The following MARCHF1 variants were observed in gnomAD, a reference collection of about 807,000 sequenced individuals.
MARCHF1 encodes E3 ubiquitin-protein ligase MARCHF1.
A neutral mutation model predicts 54.2 loss-of-function variants in MARCHF1; 40 were observed. That is an observed-to-expected ratio of 0.74 (90% CI 0.57 to 0.96). The LOEUF (loss-of-function observed/expected upper bound fraction) is 0.96. MARCHF1 is among the 40% of genes least tolerant of loss of function. MARCHF1 has a pLI of 0.00. For synonymous variants in MARCHF1, 236 were observed against 236.3 expected (o/e 1.00, Z 0.01); for missense variants, 586 against 656.5 (o/e 0.89, Z 1.17).
At chr4:163,759,000 C>T (rs538211735) in intron 4 of MARCHF1, among the ~76,000 whole-genome samples, 13 of 151,820 alleles carry the variant, frequency 8.6e-5, no homozygotes, top group Non-Finnish European at 1.3e-4. Flanking sequence ...CTAGAGTTCC[C>T]GTTATATCTT....
intron 2 of MARCHF1, among the ~76,000 whole-genome samples, chr4:164,067,301 C>A (rs754121544): frequency 6.6e-6 from 1 of 152,132 alleles, no homozygotes; most frequent in African/African-American, 2.4e-5. Context: ...CTAGGCAAAT[C>A]TGGAAGCATC....
At position 164,213,033 on chromosome 4, in the gene MARCHF1, G is replaced by T. The variant is rs570990536; in HGVS notation, c.-322-101371C>A. ...GCAAAAATGTAACTAAAGCAAATGG[G>T]TAAATGACAAGCCTGCATATATATT... On this transcript the variant is annotated intron_variant, in intron 1 of 9. Transcript: ENST00000514618. 4.6e-5 allele frequency among the ~76,000 whole-genome samples: 7 copies of T among 151,972 alleles called. 1 individual carries two copies. The South Asian group carries it at 1.2e-3, about 27-fold the overall frequency.
In MARCHF1 at chr4:164,292,316, G is replaced by A. The variant is rs111862641; in HGVS notation, c.-323+91554C>T. Reference sequence around the variant, plus strand: ...TCTATGAAACACTTTGCAATTCAAAGTGATAAATGGTTATGCGTTTTTTTT... The same window carrying A: ...TCTATGAAACACTTTGCAATTCAAAATGATAAATGGTTATGCGTTTTTTTT... On this transcript the variant is annotated intron_variant, in intron 1 of 9. Coordinates refer to ENST00000514618, the MANE Select transcript of MARCHF1 (RefSeq NM_001394959.1). 3.8e-3 allele frequency among the ~76,000 whole-genome samples: 582 copies of A among 152,146 alleles called. 1 individual carries two copies. The highest frequency in any genetic ancestry group is 6.3e-3 in the Non-Finnish European group (431 of 67,988).
At chr4:163,656,336 C>A (rs577970034) in intron 5 of MARCHF1, among the ~76,000 whole-genome samples, 295 of 152,066 alleles carry the variant, frequency 1.9e-3, no homozygotes, top group Non-Finnish European at 2.9e-3. Context: ...GACACATATA[C>A]CCTTCCAAGA....
intron 1 of MARCHF1, among the ~76,000 whole-genome samples, chr4:164,309,862 G>T (rs1734800970): frequency 1.3e-5 from 2 of 152,014 alleles, no homozygotes; most frequent in African/African-American, 2.4e-5. Context: ...TTAATATTAT[G>T]TCAGAAATAG....
intron 3 of MARCHF1, among the ~76,000 whole-genome samples, chr4:163,957,933 T>C (rs1752263855): frequency 6.6e-6 from 1 of 152,050 alleles, no homozygotes; most frequent in African/African-American, 2.4e-5. Flanking sequence ...CCATGCTGCA[T>C]TCAGAAAGTC....
At chr4:163,612,146 C>G in intron 7 of MARCHF1, 125 bp downstream of exon 7, 1 of 842,730 alleles carries the variant, frequency 1.2e-6, no homozygotes, top group South Asian at 2.7e-5. Flanking sequence ...CCTTTTATAT[C>G]CAATCAGAAA....
chr4:164,110,915 T>C (rs1755821298), intron 2 of MARCHF1, among the ~76,000 whole-genome samples: 1 of 151,734 alleles, frequency 6.6e-6, no homozygotes, highest in Non-Finnish European at 1.5e-5. Context: ...AACTTTGAGA[T>C]ACTGAGAAGG....
rs138692310 is a variant in MARCHF1 at position 163,620,567 on chromosome 4, C to CCACA, written c.163-7178_163-7175dup. Among the ~76,000 whole-genome samples the CCACA allele has an allele frequency of 3.4e-3, 403 of 120,100 alleles. 1 individual carries two copies. The highest frequency in any genetic ancestry group is 5.4e-3 in the South Asian group (18 of 3,328). 78.8% of individuals were successfully genotyped at this position (120,100 alleles called of 152,430 possible). A position where few individuals can be genotyped will look rare whatever the true frequency, so the allele number is the denominator to read the frequency against. On this transcript the variant is annotated intron_variant, in intron 5 of 9. Transcript: ENST00000514618. ...TAAGCCATAAAAAGAATGAGGTACA[C>CCACA]CACACACACACACACACACACACAC...
intron 5 of MARCHF1, among the ~76,000 whole-genome samples, chr4:163,678,869 A>G (rs185306115): frequency 2.0e-5 from 3 of 152,356 alleles, no homozygotes; most frequent in Non-Finnish European, 4.4e-5. Flanking sequence ...AACCACAGTA[A>G]TTTCACTAGG....
In MARCHF1 at chr4:164,058,727, T is replaced by C. The variant is rs551675584; in HGVS notation, c.-248+52861A>G. 2.6e-5 allele frequency among the ~76,000 whole-genome samples: 4 copies of C among 152,118 alleles called. No homozygotes were observed. In the South Asian group the frequency reaches 6.2e-4, roughly 24 times the overall value. Reference sequence around the variant, plus strand: ...CAGCACATCTCTGTCACTGATGAAATTGACAACTTTCATGAGGGGAAAAGA... The same window carrying C: ...CAGCACATCTCTGTCACTGATGAAACTGACAACTTTCATGAGGGGAAAAGA... On this transcript the variant is annotated intron_variant, in intron 2 of 9. Coordinates refer to ENST00000514618, the MANE Select transcript of MARCHF1 (RefSeq NM_001394959.1).
At chr4:163,649,339 G>A (rs1218063675) in intron 5 of MARCHF1, among the ~76,000 whole-genome samples, 1 of 152,012 alleles carries the variant, frequency 6.6e-6, no homozygotes, top group Non-Finnish European at 1.5e-5. Context: ...CCACAGGAAT[G>A]CCTAATGGTA....
At chr4:164,340,365 C>G (rs1350632800) in intron 1 of MARCHF1, among the ~76,000 whole-genome samples, 5 of 140,156 alleles carry the variant, frequency 3.6e-5, no homozygotes, top group Admixed American at 7.5e-5. Context: ...CTCAGCCCCC[C>G]GAGTAGCTGA....
At chr4:164,379,711 C>T (rs528805962) in intron 1 of MARCHF1, among the ~76,000 whole-genome samples, 90 of 152,230 alleles carry the variant, frequency 5.9e-4, no homozygotes, top group African/African-American at 2.1e-3. Flanking sequence ...GTTGGCCGGG[C>T]ACAGTGGCTT....
At chr4:163,766,370 C>CT (rs1420455642) in intron 4 of MARCHF1, among the ~76,000 whole-genome samples, 2 of 151,842 alleles carry the variant, frequency 1.3e-5, no homozygotes, top group Non-Finnish European at 2.9e-5. Context: ...TCCCTCAATT[C>CT]TCCTCTCATA....
intron 3 of MARCHF1, among the ~76,000 whole-genome samples, chr4:163,890,756 G>T (rs975008875): frequency 5.3e-5 from 8 of 152,018 alleles, no homozygotes; most frequent in Non-Finnish European, 1.2e-4. Flanking sequence ...CAATCTGCCT[G>T]CCTTGGCCTC....
At chr4:163,738,024 T>G (rs28636066) in intron 4 of MARCHF1, among the ~76,000 whole-genome samples, 54,819 of 152,054 alleles carry the variant, frequency 0.36, 10,326 homozygotes, top group South Asian at 0.44. Flanking sequence ...TTAGGCTTCC[T>G]GGTGGTCTGG....
At chr4:164,059,330 T>TAG (rs1002522074) in intron 2 of MARCHF1, among the ~76,000 whole-genome samples, 3 of 152,222 alleles carry the variant, frequency 2.0e-5, no homozygotes, top group Admixed American at 6.5e-5. Context: ...CCAATGTGTA[T>TAG]AGATTCTTTC....
At chr4:163,583,209 A>G (rs755943581) in intron 8 of MARCHF1, among the ~76,000 whole-genome samples, 78 of 152,190 alleles carry the variant, frequency 5.1e-4, no homozygotes, top group Non-Finnish European at 1.0e-3. Flanking sequence ...GCTAGATACC[A>G]CTTGGCTCCA....
Sources: allele counts gnomAD v4.1 joint callset (sites outside exome capture counted in the v4.1 genomes callset), GRCh38; gene constraint gnomAD v4.1.1; transcripts MANE v1.5; gene names NCBI Gene and HGNC (gene_info 2026-07-23, HGNC 2026-07-21).